The following ERN1 variants were observed in gnomAD, a reference collection of about 807,000 sequenced individuals.
ERN1 encodes the protein endoplasmic reticulum to nucleus signaling 1.
A neutral mutation model predicts 113.1 loss-of-function variants in ERN1; 39 were observed. The observed-to-expected ratio is 0.34, with a 90% confidence interval of 0.27 to 0.45. The LOEUF (loss-of-function observed/expected upper bound fraction) is 0.45. Among genes scored for constraint, ERN1 ranks in the 20% least tolerant of loss-of-function variants. The pLI, the probability that ERN1 is intolerant of heterozygous loss-of-function variation, is 1.00. For synonymous variants in ERN1, 507 were observed against 515.9 expected (o/e 0.98, Z 0.23); for missense variants, 976 against 1,274.8 (o/e 0.77, Z 3.57).
chr17:64,119,122 T>C (rs963666589), intron 1 of ERN1, among the ~76,000 whole-genome samples: 1 of 152,098 alleles, frequency 6.6e-6, no homozygotes, highest in Non-Finnish European at 1.5e-5. Context: ...AGCCTCTTAA[T>C]ATATGGAAAA....
chr17:64,102,793 T>C, intron 1 of ERN1: 1 of 985,292 alleles, frequency 1.0e-6, no homozygotes, highest in African/African-American at 1.7e-5. Flanking sequence ...CACACACTGG[T>C]TTCCAGAGAG....
Position 64,049,232 on chromosome 17 carries a change from TG to T in ERN1, c.2254-31del. 1.9e-6 allele frequency: 3 copies of T among 1,546,020 alleles called. No homozygotes were observed. The highest frequency in any genetic ancestry group is 2.6e-6 in the Non-Finnish European group (3 of 1,135,504). On this transcript the variant is annotated intron_variant, in intron 17 of 21. Coordinates refer to ENST00000433197, the MANE Select transcript of ERN1 (RefSeq NM_001433.5). The surrounding 1 kb of genome is among the most constrained non-coding windows in gnomAD (Gnocchi z 4.7). ...AAAGAGACATGAGGCGTGAGAGGTC[TG>T]GGAGCAGAGTTTTCATCCTCACTCA...
chr17:64,043,926 A>C lies in ERN1; in HGVS notation c.*62T>G. On this transcript the variant is annotated 3_prime_UTR_variant, in exon 22 of 22. Transcript: ENST00000433197. ...GCAAAGCCGGGAGGCATCAAGCTCT[A>C]ATTGTGGTGACCAGGCCCTCAGTCA... is the stretch of plus-strand genomic sequence containing the variant. 4 of 1,166,754 alleles carry C rather than the reference A, an allele frequency of 3.4e-6. No individual in the cohort carries two copies. The East Asian group carries it at 9.5e-5, about 28-fold the overall frequency. 72.3% of individuals were successfully genotyped at this position (1,166,754 alleles called of 1,614,324 possible). A position where few individuals can be genotyped will look rare whatever the true frequency, so the allele number is the denominator to read the frequency against.
At position 64,057,851 on chromosome 17, in the gene ERN1, C is replaced by G. The variant is rs375349184; in HGVS notation, c.1349G>C (p.Ser450Thr). Reference sequence around the variant, plus strand: ...CACCCAGCCAATCAGCAGGAAGGTGCTCAGGATGATGGTAGCCATGTCCTT... The same window carrying G: ...CACCCAGCCAATCAGCAGGAAGGTGGTCAGGATGATGGTAGCCATGTCCTT... ...MLKDMATIIL[S>T]TFLLIGWVAF... The change falls in exon 12 of 22, where the codon AGC (serine) becomes ACC (threonine). Residue 450 changes from serine (S) to threonine (T), a missense_variant. By Grantham distance (58) the Ser-to-Thr change is moderately conservative (BLOSUM62 1). Transcript: ENST00000433197. The G allele has an allele frequency of 6.2e-7, 1 of 1,613,872 alleles. No individual in the cohort carries two copies.
chr17:64,071,719 G>T (rs1913424595), intron 6 of ERN1, among the ~76,000 whole-genome samples: 1 of 152,198 alleles, frequency 6.6e-6, no homozygotes. Flanking sequence ...ACCACGCCCG[G>T]CCAGGCAACT....
intron 1 of ERN1, chr17:64,102,871 T>A (rs1343624310): frequency 1.0e-6 from 1 of 985,156 alleles, no homozygotes; most frequent in Non-Finnish European, 1.2e-6. Context: ...TGAAATTTGA[T>A]TCAGTTTTAA....
Position 64,130,016 on chromosome 17 carries a change from C to A in ERN1, c.14G>T (p.Arg5Leu), listed in dbSNP as rs1440322998. The change falls in exon 1 of 22, where the codon CGG becomes CTG. Residue 5 changes from arginine to leucine, a missense_variant. Arg to Leu is a moderately radical substitution (Grantham distance 102). This residue lies in a region of ERN1 where 459 missense variants were observed against 581.2 expected (regional missense o/e 0.79). Coordinates refer to ENST00000433197, the MANE Select transcript of ERN1 (RefSeq NM_001433.5). This position sits in a 1 kb window ranked among gnomAD's most constrained non-coding sequence, Gnocchi z 4.0. ...CAGCAGCGTCAGCAGCAGCAGCAGC[C>A]GCCGGGCCGGCATGGCGAGGACTCG... MPAR[R>L]LLLLLTLLLP... is the part of the protein sequence containing the mutation. The A allele has an allele frequency of 7.0e-7, 1 of 1,435,230 alleles. No individual in the cohort carries two copies. Among genetic ancestry groups the A allele is most frequent in the Non-Finnish European group, 9.1e-7 (1 of 1,100,402 alleles). The allele number at this position is 1,435,230 out of a possible 1,614,324, so 88.9% of individuals were successfully genotyped here. A position where few individuals can be genotyped will look rare whatever the true frequency, so the allele number is the denominator to read the frequency against.
At chr17:64,114,219 C>T (rs915639982) in intron 1 of ERN1, among the ~76,000 whole-genome samples, 3 of 152,056 alleles carry the variant, frequency 2.0e-5, no homozygotes, top group Non-Finnish European at 4.4e-5. Context: ...CTAATCACAA[C>T]AAATGAGATC....
In ERN1 at chr17:64,050,509, G is replaced by A. The variant is rs1598045175; in HGVS notation, c.2254-1307C>T. 2.6e-5 allele frequency among the ~76,000 whole-genome samples: 4 copies of A among 152,350 alleles called. No individual in the cohort carries two copies. The South Asian group carries it at 8.3e-4, about 32-fold the overall frequency. On this transcript the variant is annotated intron_variant, in intron 17 of 21. Transcript: ENST00000433197. Reference sequence around the variant, plus strand: ...TTAGAAAGACTCGATAAAGGAAAGGGAATGGTTACAAGAGCTGCTGCGGCA... The same window carrying A: ...TTAGAAAGACTCGATAAAGGAAAGGAAATGGTTACAAGAGCTGCTGCGGCA...
chr17:64,081,630 C>A (rs966600505), intron 2 of ERN1, among the ~76,000 whole-genome samples: 3 of 152,170 alleles, frequency 2.0e-5, no homozygotes, highest in Non-Finnish European at 4.4e-5. Context: ...ATGGAAAGAT[C>A]AAAAATGCTA....
intron 5 of ERN1, among the ~76,000 whole-genome samples, chr17:64,072,466 A>T (rs570458146): frequency 1.3e-5 from 2 of 152,390 alleles, no homozygotes; most frequent in African/African-American, 4.8e-5. Context: ...GATCTATAGA[A>T]ATACAGAAAT....
chr17:64,061,284 T>C (rs1913046984), intron 10 of ERN1, among the ~76,000 whole-genome samples: 1 of 152,334 alleles, frequency 6.6e-6, no homozygotes. Context: ...TGATAATCCA[T>C]TCAGCTCTAA....
chr17:64,049,044 G>A lies in ERN1; in HGVS notation c.2401+11C>T. 1 of 1,575,264 alleles carries A rather than the reference G, an allele frequency of 6.3e-7. No individual in the cohort carries two copies. On this transcript the variant is annotated intron_variant, in intron 18 of 21. Coordinates refer to ENST00000433197, the MANE Select transcript of ERN1 (RefSeq NM_001433.5). The surrounding 1 kb of genome is among the most constrained non-coding windows in gnomAD (Gnocchi z 4.7). Reference sequence around the variant, plus strand: ...GGAGCTGCTCCCAACCCCAACCCCTGGACCGCTCACCGTGCTTCTCTGGGT... The same window carrying A: ...GGAGCTGCTCCCAACCCCAACCCCTAGACCGCTCACCGTGCTTCTCTGGGT...
rs771043529 is a variant in ERN1 at position 64,054,867 on chromosome 17, T to A, written c.1673-39A>T. 1 of 1,463,472 alleles carries A rather than the reference T, an allele frequency of 6.8e-7. No individual in the cohort carries two copies. The highest frequency in any genetic ancestry group is 1.9e-4 in the Middle Eastern group (1 of 5,318). 90.7% of individuals were successfully genotyped at this position (1,463,472 alleles called of 1,614,324 possible). On this transcript the variant is annotated intron_variant, in intron 13 of 21. Coordinates refer to ENST00000433197, the MANE Select transcript of ERN1 (RefSeq NM_001433.5). This position sits in a 1 kb window ranked among gnomAD's most constrained non-coding sequence, Gnocchi z 4.9. ...GGAAAAAGAGATTGTTTCAAACAGA[T>A]ATCACCTAAAGAACCTTGAGGTTAA...
intron 17 of ERN1, among the ~76,000 whole-genome samples, chr17:64,050,586 C>A (rs1912652664): frequency 6.6e-6 from 1 of 152,106 alleles, no homozygotes; most frequent in South Asian, 2.1e-4. Context: ...GCGTTAAAAA[C>A]CAGGCTTCTG....
At chr17:64,068,025 T>C in intron 7 of ERN1, 165 bp downstream of exon 7, 2 of 579,488 alleles carry the variant, frequency 3.5e-6, no homozygotes. Context: ...CCCCTGCACA[T>C]TGACTGTGGG....
At chr17:64,064,181 G>A (rs1440437748) in intron 9 of ERN1, 30 bp from the exon 10 acceptor site, 1 of 1,557,674 alleles carries the variant, frequency 6.4e-7, no homozygotes, top group Non-Finnish European at 8.7e-7. Context: ...AGGGTCAGGA[G>A]CCCTGGAGGG....
At position 64,055,626 on chromosome 17, in the gene ERN1, G is replaced by A. The variant is rs1200058123; in HGVS notation, c.1672+49C>T. ...TGGAGACTCCTTGGACTTCTCAGGA[G>A]GTGCTCGAATAAAACATAAAATAGC... On this transcript the variant is annotated intron_variant, in intron 13 of 21. Coordinates refer to ENST00000433197, the MANE Select transcript of ERN1 (RefSeq NM_001433.5). 2.7e-6 allele frequency: 4 copies of A among 1,502,878 alleles called. No individual in the cohort carries two copies. The Admixed American group carries it at 8.9e-5, about 33-fold the overall frequency. 93.1% of individuals were successfully genotyped at this position (1,502,878 alleles called of 1,614,324 possible).
intron 1 of ERN1, among the ~76,000 whole-genome samples, chr17:64,124,672 C>T (rs994508590): frequency 2.0e-5 from 3 of 152,320 alleles, no homozygotes; most frequent in Non-Finnish European, 2.9e-5. Flanking sequence ...ATTAAACCTA[C>T]TTCTTTTGTA....
Sources: gnomAD v4.1 joint callset for allele counts (sites outside exome capture counted in the v4.1 genomes callset) on GRCh38, gnomAD v4.1.1 for gene constraint, gnomAD v4.1.1 regional missense constraint, Gnocchi (gnomAD v3.1) non-coding constraint, MANE v1.5 for transcripts, NCBI Gene and HGNC (gene_info 2026-07-23, HGNC 2026-07-21) for gene names.